C15orf40: variants seen among roughly 807,000 people sequenced by gnomAD.
The protein encoded by C15orf40 is UPF0235 protein C15orf40.
C15orf40 carries 9 observed loss-of-function variants against 13.9 expected under a neutral mutation model. The observed-to-expected ratio is 0.65, with a 90% CI of 0.39 to 1.13. C15orf40 has a LOEUF of 1.13. Ranked by LOEUF, C15orf40 falls within the 50% of genes most tolerant of loss-of-function variation. C15orf40 has a pLI of 0.01. For synonymous variants in C15orf40, 95 were observed against 69.2 expected (o/e 1.37, Z -1.85); for missense variants, 225 against 188.5 (o/e 1.19, Z -1.13).
Position 83,004,408 on chromosome 15 carries a change from G to A in C15orf40, c.*1189C>T, listed in dbSNP as rs907687551. On this transcript the variant is annotated 3_prime_UTR_variant, in exon 4 of 4. Coordinates refer to ENST00000304177, the MANE Select transcript of C15orf40 (RefSeq NM_144597.3). Reference sequence around the variant, plus strand: ...AGATCAGCTCTCCTGATCAGCAAAGGAAATTAATTTTATTTTCTTTAATAA... The same window carrying A: ...AGATCAGCTCTCCTGATCAGCAAAGAAAATTAATTTTATTTTCTTTAATAA... The A allele has an allele frequency of 6.3e-6, 6 of 958,828 alleles. No individual in the cohort carries two copies. The highest frequency in any genetic ancestry group is 7.4e-6 in the Non-Finnish European group (6 of 805,640). The allele number at this position is 958,828 out of a possible 1,614,324, so 59.4% of individuals were successfully genotyped here.
At position 83,011,622 on chromosome 15, in the gene C15orf40, G is replaced by A; in HGVS notation, c.-15C>T. The stretch of plus-strand genomic sequence containing the variant: ...AGCCGCAGCATCCCCGCCTGGGAAG[G>A]CGCCGGAAGAGCCCTCTGCGCTTGC... On this transcript the variant is annotated 5_prime_UTR_variant, in exon 1 of 4. Coordinates refer to ENST00000304177, the MANE Select transcript of C15orf40 (RefSeq NM_144597.3). 2 of 1,558,952 alleles carry A rather than the reference G, an allele frequency of 1.3e-6. No homozygotes were observed. The highest frequency in any genetic ancestry group is 1.7e-6 in the Non-Finnish European group (2 of 1,157,104).
At chr15:83,006,268 C>T (rs1160547666) in intron 3 of C15orf40, 1 of 622,460 alleles carries the variant, frequency 1.6e-6, no homozygotes, top group Non-Finnish European at 2.0e-6. Flanking sequence ...ATTCTAGTCT[C>T]AAGCAATTAA....
Position 83,005,188 on chromosome 15 carries a change from T to C in C15orf40, c.*409A>G. 1 of 1,037,642 alleles carries C rather than the reference T, an allele frequency of 9.6e-7. No individual in the cohort carries two copies. 64.3% of individuals were successfully genotyped at this position (1,037,642 alleles called of 1,614,324 possible). On this transcript the variant is annotated 3_prime_UTR_variant, in exon 4 of 4. Transcript: ENST00000304177. ...TCTTATTCGAATATATACATATATA[T>C]ATGTCCCCCATGTTCTTCTGTGCAT...
At chr15:82,991,290 G>C (rs1052911922), downstream of C15orf40, among the ~76,000 whole-genome samples, 1 of 152,186 alleles carries the variant, frequency 6.6e-6, no homozygotes, top group African/African-American at 2.4e-5. Context: ...GCTCATGCCT[G>C]TAGTCCCAGC....
chr15:83,011,520 T>G lies in C15orf40; in HGVS notation c.88A>C (p.Lys30Gln), dbSNP rs565535985. The change falls in exon 1 of 4, where the codon AAG becomes CAG. Residue 30 changes from lysine to glutamine, a missense_variant. Physicochemically the swap from Lys to Gln is moderately conservative, Grantham distance 53 (BLOSUM62 1). Coordinates refer to ENST00000304177, the MANE Select transcript of C15orf40 (RefSeq NM_144597.3). Reference protein sequence around the residue: ...SARLLCAEMPKKAGATTKGKS... With the variant: ...SARLLCAEMPQKAGATTKGKS... Reference sequence around the variant, plus strand: ...GCCTTGGTCGTCGCACCAGCCTTCTTAGGCATCTCGGCGCAAAGAAGCCGA... The same window carrying G: ...GCCTTGGTCGTCGCACCAGCCTTCTGAGGCATCTCGGCGCAAAGAAGCCGA... The G allele has an allele frequency of 4.4e-6, 7 of 1,607,220 alleles. No individual in the cohort carries two copies. In the African/African-American group the frequency reaches 9.4e-5, roughly 22 times the overall value.
rs750640259 is a variant in C15orf40, at chr15:83,011,616, G to C, written c.-9C>G. 2.1e-5 allele frequency: 33 copies of C among 1,566,888 alleles called. No individual in the cohort carries two copies. The highest frequency in any genetic ancestry group is 3.4e-5 in the South Asian group (3 of 88,662). ...CTGCGGAGCCGCAGCATCCCCGCCTGGGAAGGCGCCGGAAGAGCCCTCTGC... is the reference window on the plus strand; with the variant it reads ...CTGCGGAGCCGCAGCATCCCCGCCTCGGAAGGCGCCGGAAGAGCCCTCTGC... On this transcript the variant is annotated 5_prime_UTR_variant, in exon 1 of 4. Transcript: ENST00000304177.
Position 83,008,561 on chromosome 15 carries a change from A to G in C15orf40, c.353T>C (p.Val118Ala). The change falls in exon 3 of 4, where the codon GTG becomes GCG. Residue 118 changes from valine to alanine, a missense_variant. Coordinates refer to ENST00000304177, the MANE Select transcript of C15orf40 (RefSeq NM_144597.3). ...AGCGAGACCTACCTTATCCAAAACC[A>G]CATCACTCTTCCTGAGTTCTAGGAC... ...SKVLELRKSD[V>A]VLDKGGKSRE... The G allele has an allele frequency of 6.2e-7, 1 of 1,613,504 alleles. No individual in the cohort carries two copies. Among genetic ancestry groups the G allele is most frequent in the Non-Finnish European group, 8.5e-7 (1 of 1,179,844 alleles).
chr15:83,010,109 G>A, intron 2 of C15orf40, 128 bp downstream of exon 2: 2 of 1,263,296 alleles, frequency 1.6e-6, no homozygotes. Context: ...TTTTAAAATG[G>A]AGAAGCCTCT....
chr15:82,995,135 TG>T lies in C15orf40; in HGVS notation c.*10461del, dbSNP rs5814133. On this transcript the variant is annotated 3_prime_UTR_variant, in exon 4 of 4. Transcript: ENST00000304177. ...GATTATCTCCTCTTTTCTAGAAGTC[TG>T]GTTGATTACTGCTGGCACCAGCTTT... is the stretch of plus-strand genomic sequence containing the variant. The T allele has an allele frequency of 0.54, 81,296 of 151,736 alleles. 22,137 individuals are homozygous for T. Among genetic ancestry groups the T allele is most frequent in the African/African-American group, 0.62 (25,584 of 41,352 alleles). The allele number at this position is 151,736 out of a possible 1,614,324, so 9.4% of individuals were successfully genotyped here. A position where few individuals can be genotyped will look rare whatever the true frequency, so the allele number is the denominator to read the frequency against.
rs2031391962 is a variant in C15orf40 at position 83,000,941 on chromosome 15, T to G, written c.*4656A>C. 1 of 206,768 alleles carries G rather than the reference T, an allele frequency of 4.8e-6. No individual in the cohort carries two copies. The highest frequency in any genetic ancestry group is 2.4e-5 in the African/African-American group (1 of 42,448). 12.8% of individuals were successfully genotyped at this position (206,768 alleles called of 1,614,324 possible). On this transcript the variant is annotated 3_prime_UTR_variant, in exon 4 of 4. Coordinates refer to ENST00000304177, the MANE Select transcript of C15orf40 (RefSeq NM_144597.3). ...AATTCTCAGGCCTCAGCCTCCCAAGTAGCTGGGACTACAGGCATGCATTGC... is the reference window on the plus strand; with the variant it reads ...AATTCTCAGGCCTCAGCCTCCCAAGGAGCTGGGACTACAGGCATGCATTGC...
chr15:83,009,299 CATT>C (rs1474669834), intron 2 of C15orf40, among the ~76,000 whole-genome samples: 13 of 152,010 alleles, frequency 8.6e-5, no homozygotes, highest in African/African-American at 3.1e-4. Context: ...ATATTAGTAC[CATT>C]ATTATCTCCA....
intron 1 of C15orf40, 128 bp downstream of exon 1, chr15:83,011,369 G>A: frequency 3.6e-6 from 4 of 1,105,234 alleles, no homozygotes; most frequent in Non-Finnish European, 4.9e-6. Flanking sequence ...GCTGTCCTGA[G>A]CCCCGGAACT....
At chr15:83,011,390 A>C in intron 1 of C15orf40, 107 bp downstream of exon 1, 1 of 1,279,284 alleles carries the variant, frequency 7.8e-7, no homozygotes, top group Non-Finnish European at 1.0e-6. Context: ...GAGAGACGGC[A>C]AGCCGCTGGC....
In C15orf40 at chr15:82,997,048, A is replaced by G. The variant is rs1274966834; in HGVS notation, c.*8549T>C. On this transcript the variant is annotated 3_prime_UTR_variant, in exon 4 of 4. Coordinates refer to ENST00000304177, the MANE Select transcript of C15orf40 (RefSeq NM_144597.3). ...AATAATAATAATAATAATAATTATT[A>G]TTATTATTTTTAACTGACTTCTATA... is the stretch of plus-strand genomic sequence containing the variant. 2.0e-5 allele frequency: 3 copies of G among 148,498 alleles called. No individual in the cohort carries two copies. Among genetic ancestry groups the G allele is most frequent in the Non-Finnish European group, 4.5e-5 (3 of 67,248 alleles). The allele number at this position is 148,498 out of a possible 1,614,324, so 9.2% of individuals were successfully genotyped here. A position where few individuals can be genotyped will look rare whatever the true frequency, so the allele number is the denominator to read the frequency against.
In C15orf40 at chr15:83,011,155, T is replaced by G. The variant is rs373887750; in HGVS notation, c.111+342A>C. 32 of 245,028 alleles carry G rather than the reference T, an allele frequency of 1.3e-4. 1 individual carries two copies. In the South Asian group the frequency reaches 1.5e-3, roughly 12 times the overall value. 15.2% of individuals were successfully genotyped at this position (245,028 alleles called of 1,614,324 possible). A position where few individuals can be genotyped will look rare whatever the true frequency, so the allele number is the denominator to read the frequency against. On this transcript the variant is annotated intron_variant, in intron 1 of 3. Transcript: ENST00000304177. Reference sequence around the variant, plus strand: ...AGGGAGGAGAAAGCAGAATACAGCCTCCTGGGGAAACGCAGGTCATGCCGC... The same window carrying G: ...AGGGAGGAGAAAGCAGAATACAGCCGCCTGGGGAAACGCAGGTCATGCCGC...
At position 83,010,219 on chromosome 15, in the gene C15orf40, C is replaced by G; in HGVS notation, c.238+18G>C. ...CACCTGATTCACACTTGAATCCCAC[C>G]CCAGTGTCCAGGTATACCTGTTACA... On this transcript the variant is annotated intron_variant, in intron 2 of 3. Coordinates refer to ENST00000304177, the MANE Select transcript of C15orf40 (RefSeq NM_144597.3). 6.2e-7 allele frequency: 1 copy of G among 1,613,848 alleles called. No individual in the cohort carries two copies. The highest frequency in any genetic ancestry group is 1.1e-5 in the South Asian group (1 of 91,042).
At chr15:82,989,269 G>T, downstream of C15orf40, 1 of 1,459,626 alleles carries the variant, frequency 6.9e-7, no homozygotes, top group East Asian at 2.4e-5. Flanking sequence ...GGCCAGTGAG[G>T]GCAGGGACCA....
chr15:82,990,703 G>C, downstream of C15orf40: 1 of 1,453,618 alleles, frequency 6.9e-7, no homozygotes, highest in Non-Finnish European at 9.4e-7. Flanking sequence ...TTGATCTGGT[G>C]GTGGTTGGGA....
chr15:83,010,703 G>A, intron 1 of C15orf40: 2 of 201,152 alleles, frequency 9.9e-6, no homozygotes, highest in South Asian at 1.0e-4. Context: ...TCATGCAGTC[G>A]GAGCTAATAA....
Sources: gnomAD v4.1 joint callset for allele counts (sites outside exome capture counted in the v4.1 genomes callset) on GRCh38, gnomAD v4.1.1 for gene constraint, MANE v1.5 for transcripts, NCBI Gene and HGNC (gene_info 2026-07-23, HGNC 2026-07-21) for gene names.